MARK1: variants seen among roughly 807,000 people sequenced by gnomAD.
The protein encoded by MARK1 is serine/threonine-protein kinase MARK1.
A neutral mutation model predicts 96.3 loss-of-function variants in MARK1; 40 were observed. That is an observed-to-expected ratio of 0.42 (90% CI 0.32 to 0.54). The LOEUF is 0.54. Ranked by LOEUF, MARK1 falls within the 20% of genes least tolerant of loss-of-function variation. MARK1 has a pLI of 0.16. For missense variants in MARK1, 719 were observed against 984.6 expected, an observed-to-expected ratio of 0.73 and a Z score of 3.61; for synonymous variants, 317 against 341.2, an observed-to-expected ratio of 0.93 and a Z score of 0.78.
intron 14 of MARK1, among the ~76,000 whole-genome samples, 184 bp downstream of exon 14, chr1:220,650,904 T>C (rs1220577823): frequency 6.6e-6 from 1 of 152,222 alleles, no homozygotes; most frequent in Non-Finnish European, 1.5e-5. Context: ...GGAAAACATT[T>C]AGAGAAAACA....
At chr1:220,619,044 G>A (rs1666914271) in intron 9 of MARK1, among the ~76,000 whole-genome samples, 2 of 152,298 alleles carry the variant, frequency 1.3e-5, no homozygotes, top group East Asian at 3.9e-4. Flanking sequence ...CGTAGCTGCT[G>A]TCAGAAATTG....
intron 6 of MARK1, among the ~76,000 whole-genome samples, chr1:220,606,410 G>A (rs1666083915): frequency 6.6e-6 from 1 of 152,078 alleles, no homozygotes; most frequent in Middle Eastern, 3.2e-3. Context: ...GTTCTTTGTA[G>A]GTTCTGGATA....
Position 220,662,357 on chromosome 1 carries a change from G to A in MARK1, c.*191G>A. On this transcript the variant is annotated 3_prime_UTR_variant, in exon 18 of 18. Transcript: ENST00000366917. ...GTATGAACTATAATAAATATCTGTA[G>A]CTTAAAAAGTAGGTTCACATGTACA... 1 of 551,270 alleles carries A rather than the reference G, an allele frequency of 1.8e-6. No homozygotes were observed. The highest frequency in any genetic ancestry group is 3.2e-6 in the Non-Finnish European group (1 of 310,850). The allele number at this position is 551,270 out of a possible 1,614,324, so 34.1% of individuals were successfully genotyped here. A position where few individuals can be genotyped will look rare whatever the true frequency, so the allele number is the denominator to read the frequency against.
intron 7 of MARK1, 79 bp downstream of exon 7, chr1:220,616,074 T>A: frequency 1.4e-6 from 1 of 694,228 alleles, no homozygotes; most frequent in Non-Finnish European, 2.4e-6. Flanking sequence ...TAGAGCTGTC[T>A]ATTTTATTGC....
chr1:220,532,773 G>A (rs570972307), intron 1 of MARK1, among the ~76,000 whole-genome samples: 2 of 152,122 alleles, frequency 1.3e-5, no homozygotes, highest in South Asian at 4.2e-4. Flanking sequence ...TGTGGGGCCG[G>A]GGTGGGAGGA....
chr1:220,655,248 TC>T (rs1669102041), intron 16 of MARK1, among the ~76,000 whole-genome samples: 1 of 152,136 alleles, frequency 6.6e-6, no homozygotes, highest in African/African-American at 2.4e-5. Flanking sequence ...CATTTTTTTC[TC>T]TGGTTTTCCT....
At chr1:220,584,124 G>A (rs538562367) in intron 3 of MARK1, among the ~76,000 whole-genome samples, 1 of 152,274 alleles carries the variant, frequency 6.6e-6, no homozygotes, top group South Asian at 2.1e-4. Context: ...AGATGACAAA[G>A]TTTGTGTCAG....
At position 220,587,292 on chromosome 1, in the gene MARK1, C is replaced by T. The variant is rs551504652; in HGVS notation, c.309+6174C>T. Among the ~76,000 whole-genome samples, 11 of 148,112 alleles carry T rather than the reference C, an allele frequency of 7.4e-5. No homozygotes were observed. In the East Asian group the frequency reaches 1.8e-3, roughly 24 times the overall value. On this transcript the variant is annotated intron_variant, in intron 3 of 17. Coordinates refer to ENST00000366917, the MANE Select transcript of MARK1 (RefSeq NM_018650.5). The stretch of plus-strand genomic sequence containing the variant: ...TCCTTCCTTCTTTCCTTCCTTCCTT[C>T]CTTCCTTCCTCCCTCCCTCCCTCTC...
At chr1:220,559,247 A>G (rs1297161742) in intron 1 of MARK1, among the ~76,000 whole-genome samples, 1 of 152,196 alleles carries the variant, frequency 6.6e-6, no homozygotes, top group Non-Finnish European at 1.5e-5. Context: ...TTAGTAGGTT[A>G]GAAGGAAAAT....
chr1:220,630,332 A>G (rs1276861965), intron 9 of MARK1, among the ~76,000 whole-genome samples: 4 of 152,124 alleles, frequency 2.6e-5, no homozygotes. Flanking sequence ...GGCATTCTTT[A>G]CATATTCTGA....
chr1:220,584,473 G>A (rs6541154), intron 3 of MARK1, among the ~76,000 whole-genome samples: 88,414 of 152,022 alleles, frequency 0.58, 27,065 homozygotes, highest in Non-Finnish European at 0.68. Context: ...CTGAAAATTA[G>A]ACTTTATTAA....
At chr1:220,581,529 G>T (rs185170863) in intron 3 of MARK1, among the ~76,000 whole-genome samples, 4 of 152,244 alleles carry the variant, frequency 2.6e-5, no homozygotes, top group Non-Finnish European at 5.9e-5. Flanking sequence ...ACAAATGGTG[G>T]TGACCTAAGC....
chr1:220,560,494 A>G (rs1367301297), intron 1 of MARK1, among the ~76,000 whole-genome samples: 1 of 152,214 alleles, frequency 6.6e-6, no homozygotes, highest in Non-Finnish European at 1.5e-5. Flanking sequence ...GCATACCTTA[A>G]TTGCCAGCAT....
At chr1:220,617,410 T>C (rs1666815589) in intron 7 of MARK1, among the ~76,000 whole-genome samples, 1 of 152,182 alleles carries the variant, frequency 6.6e-6, no homozygotes, top group Non-Finnish European at 1.5e-5. Context: ...TCCAGTAATA[T>C]AGAGAAATCT....
rs1667660574 is a variant in MARK1, at chr1:220,631,141, A to G, written c.1009+7A>G. The stretch of plus-strand genomic sequence containing the variant: ...AATGACACAAAAAGAATAGGTAAGT[A>G]TTTAAACATGGTAAGAAGTGCTGTC... On this transcript the variant is annotated splice_region_variant and intron_variant, in intron 10 of 17. Coordinates refer to ENST00000366917, the MANE Select transcript of MARK1 (RefSeq NM_018650.5). 6.3e-7 allele frequency: 1 copy of G among 1,597,198 alleles called. No homozygotes were observed. The highest frequency in any genetic ancestry group is 8.6e-7 in the Non-Finnish European group (1 of 1,165,232).
At chr1:220,588,855 C>T (rs1267771767) in intron 3 of MARK1, among the ~76,000 whole-genome samples, 1 of 152,086 alleles carries the variant, frequency 6.6e-6, no homozygotes, top group African/African-American at 2.4e-5. Flanking sequence ...ATTAATAGGC[C>T]AGTAAACTGT....
intron 7 of MARK1, among the ~76,000 whole-genome samples, chr1:220,617,783 G>T (rs949764997): frequency 4.6e-5 from 7 of 152,176 alleles, no homozygotes; most frequent in Non-Finnish European, 8.8e-5. Flanking sequence ...ACAGTACTTT[G>T]TTGAGAAAAC....
At chr1:220,592,988 TGAA>T (rs1304466936) in intron 3 of MARK1, among the ~76,000 whole-genome samples, 1 of 152,148 alleles carries the variant, frequency 6.6e-6, no homozygotes, top group African/African-American at 2.4e-5. Context: ...CAAGAATAGA[TGAA>T]GAAAGTAGAA....
intron 1 of MARK1, among the ~76,000 whole-genome samples, chr1:220,578,295 G>C (rs1263039743): frequency 6.6e-6 from 1 of 152,230 alleles, no homozygotes; most frequent in South Asian, 2.1e-4. Context: ...CTAGACAAGA[G>C]CAGGAACAAT....
Sources: allele counts gnomAD v4.1 joint callset (sites outside exome capture counted in the v4.1 genomes callset), GRCh38; gene constraint gnomAD v4.1.1; transcripts MANE v1.5; gene names NCBI Gene and HGNC (gene_info 2026-07-23, HGNC 2026-07-21).